Variants in SPTBN1 observed in about 807,000 individuals in gnomAD.
SPTBN1 encodes the protein spectrin beta chain, non-erythrocytic 1.
SPTBN1 carries 32 observed loss-of-function variants against 266.4 expected under a neutral mutation model. That is an observed-to-expected ratio of 0.12 (90% CI 0.09 to 0.16). SPTBN1 has a LOEUF of 0.16. Among genes scored for constraint, SPTBN1 ranks in the 10% least tolerant of loss-of-function variants. The probability of loss-of-function intolerance (pLI) is 1.00; values close to 1 mark genes in which losing one functional copy is unlikely to be tolerated. For missense variants in SPTBN1, 2,296 were observed against 3,067.1 expected, an observed-to-expected ratio of 0.75 and a Z score of 5.94; for synonymous variants, 1,336 against 1,162.2, an observed-to-expected ratio of 1.15 and a Z score of -3.04.
intron 29 of SPTBN1, among the ~76,000 whole-genome samples, 198 bp from the exon 30 acceptor site, chr2:54,657,652 T>A (rs1205928916): frequency 2.0e-5 from 3 of 152,262 alleles, no homozygotes; most frequent in Non-Finnish European, 4.4e-5. Context: ...TTTACTCTTT[T>A]TAATGTGGCT....
intron 1 of SPTBN1, among the ~76,000 whole-genome samples, chr2:54,507,968 G>A (rs542318002): frequency 1.3e-5 from 2 of 152,248 alleles, no homozygotes; most frequent in African/African-American, 2.4e-5. Context: ...GGTGGCATAA[G>A]AACGGGAATG....
At chr2:54,581,107 G>A (rs10170259) in intron 2 of SPTBN1, among the ~76,000 whole-genome samples, 1 of 151,214 alleles carries the variant, frequency 6.6e-6, no homozygotes, top group Non-Finnish European at 1.5e-5. Context: ...TAAAAAAAAA[G>A]AAAAAATATA....
chr2:54,532,713 G>T (rs1287767803), intron 2 of SPTBN1, among the ~76,000 whole-genome samples: 1 of 152,182 alleles, frequency 6.6e-6, no homozygotes, highest in African/African-American at 2.4e-5. Flanking sequence ...TTGGTATCAT[G>T]GAACATGCAG....
intron 32 of SPTBN1, chr2:54,660,227 T>C: frequency 7.1e-7 from 1 of 1,414,114 alleles, no homozygotes; most frequent in Non-Finnish European, 9.3e-7. Context: ...ATTTAATTCA[T>C]GTTTGAGTCT....
At chr2:54,574,183 T>G (rs192161364) in intron 2 of SPTBN1, among the ~76,000 whole-genome samples, 71 of 152,098 alleles carry the variant, frequency 4.7e-4, no homozygotes, top group Admixed American at 9.2e-4. Context: ...TGACATACAT[T>G]ATCTAATTTC....
intron 32 of SPTBN1, chr2:54,661,164 A>T (rs1298503418): frequency 2.0e-6 from 2 of 985,494 alleles, no homozygotes; most frequent in Non-Finnish European, 1.2e-6. Flanking sequence ...ATTCTCTGAT[A>T]AAGGAAGCTT....
chr2:54,665,845 AT>A (rs1036139463), intron 33 of SPTBN1, 69 bp from the exon 34 acceptor site: 2 of 1,503,738 alleles, frequency 1.3e-6, no homozygotes, highest in African/African-American at 2.8e-5. Context: ...TGTTAATGAA[AT>A]GTTTAGTTCT....
In SPTBN1 at chr2:54,569,971, T is replaced by TCC. The variant is rs372014140; in HGVS notation, c.149-29112_149-29111dup. Among the ~76,000 whole-genome samples the TCC allele has an allele frequency of 3.7e-3, 519 of 141,270 alleles. 1 individual carries two copies. Among genetic ancestry groups the TCC allele is most frequent in the Middle Eastern group, 0.015 (4 of 274 alleles). The allele number at this position is 141,270 out of a possible 152,430, so 92.7% of individuals were successfully genotyped here. ...TGAAAATGCACCCAACTGAAACCAT[T>TCC]CCCCCCCCCCTTTAGAAAGATTAGA... On this transcript the variant is annotated intron_variant, in intron 2 of 35. Coordinates refer to ENST00000356805, the MANE Select transcript of SPTBN1 (RefSeq NM_003128.3).
At chr2:54,636,724 A>G (rs2941581) in intron 17 of SPTBN1, among the ~76,000 whole-genome samples, 31,557 of 152,156 alleles carry the variant, frequency 0.21, 3,335 homozygotes, top group Middle Eastern at 0.25. Context: ...AAATTGCTCT[A>G]AGAATCGAAT....
intron 1 of SPTBN1, among the ~76,000 whole-genome samples, chr2:54,462,177 A>G (rs1000787842): frequency 2.0e-5 from 3 of 152,224 alleles, no homozygotes; most frequent in African/African-American, 7.2e-5. Flanking sequence ...AGTTCCAGGC[A>G]CATAGTACGT....
rs1395115940 is a variant in SPTBN1, at chr2:54,629,919, C to T, written c.2697C>T (p.Asn899=). 2 of 1,614,070 alleles carry T rather than the reference C, an allele frequency of 1.2e-6. No homozygotes were observed. Among genetic ancestry groups the T allele is most frequent in the East Asian group, 4.5e-5 (2 of 44,884 alleles). ...TTGAGAGCCTAGAACCAGAAATGAA[C>T]AACCAGGCTTCCCGGGTTGCAGTGG... The part of the protein sequence containing the change: ...HRFESLEPEM[N]NQASRVAVVN... The change falls in exon 15 of 36, where the codon AAC becomes AAT. Residue 899 remains asparagine, a synonymous_variant. Coordinates refer to ENST00000356805, the MANE Select transcript of SPTBN1 (RefSeq NM_003128.3).
intron 10 of SPTBN1, among the ~76,000 whole-genome samples, chr2:54,623,858 C>A (rs1052939439): frequency 6.6e-6 from 1 of 152,234 alleles, no homozygotes; most frequent in Admixed American, 6.5e-5. Context: ...TACTCAGATA[C>A]ATATCACTTT....
chr2:54,588,697 C>T (rs1004030020), intron 2 of SPTBN1, among the ~76,000 whole-genome samples: 1 of 152,162 alleles, frequency 6.6e-6, no homozygotes, highest in East Asian at 1.9e-4. Flanking sequence ...TGATCAGTCA[C>T]CCTGACTGCA....
intron 1 of SPTBN1, among the ~76,000 whole-genome samples, chr2:54,498,445 A>T (rs1424515710): frequency 1.3e-5 from 2 of 152,166 alleles, no homozygotes; most frequent in African/African-American, 4.8e-5. Flanking sequence ...ACTATCGTTT[A>T]CCTCTGTGAC....
At chr2:54,640,019 G>C (rs1445106873) in intron 18 of SPTBN1, among the ~76,000 whole-genome samples, 4 of 152,292 alleles carry the variant, frequency 2.6e-5, no homozygotes, top group African/African-American at 7.2e-5. Flanking sequence ...TCCCACACCA[G>C]CATGTATAGT....
At chr2:54,524,164 A>C (rs1214333829) in intron 1 of SPTBN1, among the ~76,000 whole-genome samples, 3 of 151,982 alleles carry the variant, frequency 2.0e-5, no homozygotes, top group African/African-American at 2.4e-5. Flanking sequence ...GTGCCACTGC[A>C]CTCCAGCCTG....
intron 34 of SPTBN1, 75 bp downstream of exon 34, chr2:54,666,163 A>C (rs1681353509): frequency 6.9e-7 from 1 of 1,443,374 alleles, no homozygotes; most frequent in African/African-American, 1.4e-5. Context: ...GTTTTCTTAT[A>C]CAGCTGCTGT....
At chr2:54,490,514 A>G (rs979342721) in intron 1 of SPTBN1, among the ~76,000 whole-genome samples, 9 of 152,218 alleles carry the variant, frequency 5.9e-5, no homozygotes, top group African/African-American at 1.9e-4. Context: ...ATCACTGAAA[A>G]TGGTGATGTG....
At chr2:54,661,400 A>C in intron 32 of SPTBN1, 1 of 985,788 alleles carries the variant, frequency 1.0e-6, no homozygotes, top group Non-Finnish European at 1.2e-6. Flanking sequence ...GTTCTCTATG[A>C]GTTAAGTCTG....
Sources: allele counts gnomAD v4.1 joint callset (sites outside exome capture counted in the v4.1 genomes callset), GRCh38; gene constraint gnomAD v4.1.1; transcripts MANE v1.5; gene names NCBI Gene and HGNC (gene_info 2026-07-23, HGNC 2026-07-21).